IGFBP7: variants seen among roughly 807,000 people sequenced by gnomAD.
IGFBP7 encodes insulin-like growth factor-binding protein 7.
A neutral mutation model predicts 29.4 loss-of-function variants in IGFBP7; 31 were observed. The observed-to-expected ratio is 1.05, with a 90% CI of 0.79 to 1.42. The LOEUF (loss-of-function observed/expected upper bound fraction) is 1.42. Ranked by LOEUF, IGFBP7 falls within the 40% of genes most tolerant of loss-of-function variation. The pLI is 0.00. For synonymous variants in IGFBP7, 172 were observed against 174.9 expected (o/e 0.98, Z 0.13); for missense variants, 393 against 395.5 (o/e 0.99, Z 0.05).
chr4:57,060,050 A>G (rs958027962), intron 1 of IGFBP7, among the ~76,000 whole-genome samples: 2 of 152,252 alleles, frequency 1.3e-5, no homozygotes, highest in African/African-American at 4.8e-5. Flanking sequence ...AGGAATAGAA[A>G]GATGTTAGGG....
chr4:57,109,275 A>ACAAAT (rs1726111417), intron 1 of IGFBP7, among the ~76,000 whole-genome samples: 1 of 150,714 alleles, frequency 6.6e-6, no homozygotes, highest in South Asian at 2.1e-4. Context: ...ACAAAACAAA[A>ACAAAT]CAAAAAACCA....
chr4:57,078,381 A>G (rs1725281077), intron 1 of IGFBP7, among the ~76,000 whole-genome samples: 1 of 152,172 alleles, frequency 6.6e-6, no homozygotes, highest in South Asian at 2.1e-4. Flanking sequence ...ATTACCTCAT[A>G]GGTAACCTAA....
intron 1 of IGFBP7, among the ~76,000 whole-genome samples, chr4:57,084,630 A>G (rs536625331): frequency 2.0e-5 from 3 of 152,246 alleles, no homozygotes; most frequent in Middle Eastern, 3.4e-3. Context: ...CTTATAAGGC[A>G]CTGCCCAAAA....
At chr4:57,064,166 C>T (rs1724863706) in intron 1 of IGFBP7, among the ~76,000 whole-genome samples, 1 of 152,080 alleles carries the variant, frequency 6.6e-6, no homozygotes, top group South Asian at 2.1e-4. Context: ...CGGTGAAACC[C>T]CATCTCTACC....
intron 1 of IGFBP7, among the ~76,000 whole-genome samples, chr4:57,044,570 A>G (rs1260308458): frequency 6.6e-6 from 1 of 152,008 alleles, no homozygotes; most frequent in Non-Finnish European, 1.5e-5. Flanking sequence ...TTCCTCCCCT[A>G]AAAGGACATC....
chr4:57,109,992 G>T lies in IGFBP7; in HGVS notation c.360C>A (p.Cys120Ter), dbSNP rs755512623. The T allele has an allele frequency of 3.2e-6, 5 of 1,545,236 alleles. No homozygotes were observed. Among genetic ancestry groups the T allele is most frequent in the Non-Finnish European group, 4.3e-6 (5 of 1,151,270 alleles). Residue 120 changes from cysteine (C) to a stop codon, truncating the protein, a stop_gained, in exon 1 of 5, where the codon TGC (cysteine) becomes TGA (stop). Coordinates refer to ENST00000295666, the MANE Select transcript of IGFBP7 (RefSeq NM_001553.3). LOFTEE classifies it high-confidence loss of function. ...VCVCKSRYPVCGSDGTTYPSG... is the reference protein window; with the variant it reads ...VCVCKSRYPV ...TCGGGTAGGTGGTGCCGTCGCTGCC[G>T]CACACCGGGTAGCGGCTCTTGCACA...
intron 1 of IGFBP7, among the ~76,000 whole-genome samples, chr4:57,091,021 C>T (rs187901313): frequency 7.4e-4 from 112 of 152,272 alleles, no homozygotes; most frequent in Non-Finnish European, 1.1e-3. Context: ...TAATTAACCA[C>T]GCATATAGGA....
chr4:57,110,043 G>A lies in IGFBP7; in HGVS notation c.309C>T (p.Gly103=), dbSNP rs769833117. ...RRKGKAGAAA[G]GPGVSGVCVC... is the part of the protein sequence containing the mutation. ...CGCACACGCCGCTTACACCCGGACC[G>A]CCGGCTGCTGCCCCGGCTTTACCCT... Residue 103 remains glycine, a synonymous_variant, in exon 1 of 5, where the codon GGC becomes GGT. Coordinates refer to ENST00000295666, the MANE Select transcript of IGFBP7 (RefSeq NM_001553.3). 1.9e-6 allele frequency: 3 copies of A among 1,559,062 alleles called. No individual in the cohort carries two copies. The highest frequency in any genetic ancestry group is 2.6e-6 in the Non-Finnish European group (3 of 1,158,464).
chr4:57,109,384 T>A (rs942478606), intron 1 of IGFBP7, among the ~76,000 whole-genome samples: 3 of 152,038 alleles, frequency 2.0e-5, no homozygotes, highest in African/African-American at 7.2e-5. Context: ...TGGGCCAAGA[T>A]CGTGCCACTG....
At chr4:57,076,880 C>T (rs74998110) in intron 1 of IGFBP7, among the ~76,000 whole-genome samples, 4 of 152,296 alleles carry the variant, frequency 2.6e-5, no homozygotes, top group Middle Eastern at 3.4e-3. Flanking sequence ...TTCCTGAAAA[C>T]GCAGTCATGT....
intron 1 of IGFBP7, among the ~76,000 whole-genome samples, chr4:57,069,199 T>G (rs2109773607): frequency 6.6e-6 from 1 of 152,228 alleles, no homozygotes; most frequent in Non-Finnish European, 1.5e-5. Context: ...CATCTTGAGT[T>G]GTCCAGTAAA....
intron 1 of IGFBP7, among the ~76,000 whole-genome samples, chr4:57,084,780 T>TA (rs200772145): frequency 0.41 from 51,180 of 125,102 alleles, 13,866 homozygotes; most frequent in Admixed American, 0.55. Context: ...CTCAGATGTT[T>TA]AAAAAAGGTT....
intron 1 of IGFBP7, among the ~76,000 whole-genome samples, chr4:57,069,633 C>T (rs1725010049): frequency 6.6e-6 from 1 of 152,002 alleles, no homozygotes; most frequent in African/African-American, 2.4e-5. Context: ...CACTGCACTC[C>T]AGCCTGGGTG....
chr4:57,037,667 G>A (rs1037493433), intron 2 of IGFBP7, among the ~76,000 whole-genome samples: 8 of 152,170 alleles, frequency 5.3e-5, no homozygotes, highest in Non-Finnish European at 1.0e-4. Context: ...CCTCTGGTAT[G>A]TGAATACTGT....
In IGFBP7 at chr4:57,077,560, G is replaced by A. The variant is rs114281823; in HGVS notation, c.475+32317C>T. Reference sequence around the variant, plus strand: ...CCCAAAGTGCTAGGGTTACAGTCGTGAGCCACCACAGCTGACCAAAAGAAG... The same window carrying A: ...CCCAAAGTGCTAGGGTTACAGTCGTAAGCCACCACAGCTGACCAAAAGAAG... On this transcript the variant is annotated intron_variant, in intron 1 of 4. Coordinates refer to ENST00000295666, the MANE Select transcript of IGFBP7 (RefSeq NM_001553.3). Among the ~76,000 whole-genome samples the A allele has an allele frequency of 3.9e-3, 592 of 152,264 alleles. 4 individuals carry two copies. The highest frequency in any genetic ancestry group is 0.013 in the African/African-American group (539 of 41,542).
chr4:57,044,746 G>C (rs1472288349), intron 1 of IGFBP7, among the ~76,000 whole-genome samples: 1 of 152,166 alleles, frequency 6.6e-6, no homozygotes, highest in African/African-American at 2.4e-5. Flanking sequence ...AATAACTATG[G>C]CATAATTTAG....
intron 1 of IGFBP7, chr4:57,065,644 C>G (rs1194639638): frequency 1.3e-5 from 2 of 152,256 alleles, no homozygotes; most frequent in Admixed American, 6.5e-5. Flanking sequence ...AGGAGCATCT[C>G]CAGTGGAGAA....
chr4:57,109,932 G>C lies in IGFBP7; in HGVS notation c.420C>G (p.Ala140=), dbSNP rs762012759. ...TGATGGCCTTCTCCCCGCGGCTCTCGGCCCTCTGGCTGGCGGCGCGCAGCT... is the reference window on the plus strand; with the variant it reads ...TGATGGCCTTCTCCCCGCGGCTCTCCGCCCTCTGGCTGGCGGCGCGCAGCT... ...GCQLRAASQR[A]ESRGEKAITQ... is the part of the protein sequence containing the mutation. Residue 140 remains alanine (A), a synonymous_variant, in exon 1 of 5, where the codon GCC becomes GCG. Transcript: ENST00000295666. 30 of 1,557,690 alleles carry C rather than the reference G, an allele frequency of 1.9e-5. No homozygotes were observed. In the East Asian group the frequency reaches 4.2e-4, roughly 22 times the overall value.
At chr4:57,087,018 G>A (rs193154763) in intron 1 of IGFBP7, among the ~76,000 whole-genome samples, 4 of 152,306 alleles carry the variant, frequency 2.6e-5, no homozygotes, top group African/African-American at 9.6e-5. Flanking sequence ...ACAGGCGTGA[G>A]CCACTGCTCC....
Sources: allele counts gnomAD v4.1 joint callset (sites outside exome capture counted in the v4.1 genomes callset), GRCh38; gene constraint gnomAD v4.1.1; transcripts MANE v1.5; gene names NCBI Gene and HGNC (gene_info 2026-07-23, HGNC 2026-07-21).